Variants in NECAB2 observed in about 807,000 individuals in gnomAD.
The protein encoded by NECAB2 is N-terminal EF-hand calcium-binding protein 2.
NECAB2 carries 68 observed loss-of-function variants against 51.9 expected under a neutral mutation model. The observed-to-expected ratio is 1.31, with a 90% CI of 1.08 to 1.60. The LOEUF (loss-of-function observed/expected upper bound fraction) is 1.60, where lower values mean the gene tolerates loss of function less well. NECAB2 is among the 40% of genes most tolerant of loss of function. The probability of loss-of-function intolerance (pLI) is 0.00; values close to 1 mark genes in which losing one functional copy is unlikely to be tolerated. For synonymous variants in NECAB2, 329 were observed against 203.5 expected (o/e 1.62, Z -5.25); for missense variants, 854 against 490.3 (o/e 1.74, Z -7.00).
chr16:83,998,040 C>A (rs546903110), intron 9 of NECAB2, among the ~76,000 whole-genome samples, 165 bp from the exon 10 acceptor site: 39 of 152,198 alleles, frequency 2.6e-4, no homozygotes, highest in African/African-American at 7.2e-4. Flanking sequence ...CTAGTCCTTT[C>A]TTAGCCCATT....
At chr16:83,971,093 CAAA>C in intron 1 of NECAB2, among the ~76,000 whole-genome samples, 1 of 135,886 alleles carries the variant, frequency 7.4e-6, no homozygotes, top group African/African-American at 2.6e-5. Flanking sequence ...GACCCCATCT[CAAA>C]AAAAAAAAAA....
chr16:83,985,195 C>T (rs777792583), intron 5 of NECAB2, among the ~76,000 whole-genome samples: 3 of 151,162 alleles, frequency 2.0e-5, no homozygotes, highest in Non-Finnish European at 4.4e-5. Flanking sequence ...CGCCTGTAAT[C>T]CCAGCTACTT....
Position 83,990,619 on chromosome 16 carries a change from C to A in NECAB2, c.585C>A (p.Thr195=). ...ESAVEAIEEQ[T]SQLRQNHIKP... ...CGGTGGAGGCCATCGAGGAACAGAC[C>A]AGCCAGCTCCGGTGAGTCTCTGAGA... Residue 195 remains threonine (T), a synonymous_variant, in exon 6 of 13, where the codon ACC becomes ACA. Transcript: ENST00000305202. The A allele has an allele frequency of 1.9e-6, 3 of 1,614,044 alleles. No homozygotes were observed. The highest frequency in any genetic ancestry group is 1.7e-6 in the Non-Finnish European group (2 of 1,180,032).
chr16:83,968,889 C>T (rs1029719511), intron 1 of NECAB2, 40 bp downstream of exon 1: 2 of 1,081,374 alleles, frequency 1.8e-6, no homozygotes, highest in African/African-American at 1.7e-5. Context: ...GTGGCCTCCG[C>T]TGGGACCCGG....
chr16:83,994,216 T>C, intron 6 of NECAB2, 86 bp from the exon 7 acceptor site: 1 of 1,226,488 alleles, frequency 8.2e-7, no homozygotes, highest in Non-Finnish European at 1.2e-6. Flanking sequence ...CTGTCTTGCG[T>C]AATAAATGCC....
chr16:83,978,795 C>G (rs2084449209), intron 3 of NECAB2, among the ~76,000 whole-genome samples: 1 of 152,020 alleles, frequency 6.6e-6, no homozygotes, highest in African/African-American at 2.4e-5. Context: ...AGGAGAGACT[C>G]CTGGTTTTGC....
At chr16:84,001,966 G>A (rs1214887155) in intron 12 of NECAB2, 50 bp downstream of exon 12, 5 of 1,581,892 alleles carry the variant, frequency 3.2e-6, no homozygotes, top group East Asian at 4.6e-5. Flanking sequence ...TGGAGAGAAG[G>A]GCAAGAGCCT....
At chr16:83,996,608 CT>C (rs2084702943) in intron 8 of NECAB2, among the ~76,000 whole-genome samples, 1 of 150,500 alleles carries the variant, frequency 6.6e-6, no homozygotes, top group South Asian at 2.1e-4. Flanking sequence ...GGTAGACACA[CT>C]GGGTTCAGAC....
intron 5 of NECAB2, among the ~76,000 whole-genome samples, chr16:83,982,996 G>A (rs1448038858): frequency 1.3e-5 from 2 of 151,854 alleles, no homozygotes; most frequent in East Asian, 3.9e-4. Context: ...AGCCTCCCGA[G>A]TAGCTGGGAC....
At chr16:83,969,923 G>A (rs2084330470) in intron 1 of NECAB2, among the ~76,000 whole-genome samples, 2 of 152,290 alleles carry the variant, frequency 1.3e-5, no homozygotes, top group Middle Eastern at 3.4e-3. Context: ...ACCCTTGGCC[G>A]GGGTCTGGGC....
At chr16:83,966,613 C>G, upstream of NECAB2, among the ~76,000 whole-genome samples, 1 of 152,166 alleles carries the variant, frequency 6.6e-6, no homozygotes, top group East Asian at 1.9e-4. Flanking sequence ...GCAGCCTGTC[C>G]CAGGCCTCCC....
At chr16:83,979,753 G>C (rs1476857540) in intron 3 of NECAB2, among the ~76,000 whole-genome samples, 3 of 151,940 alleles carry the variant, frequency 2.0e-5, no homozygotes, top group Admixed American at 6.6e-5. Flanking sequence ...CGTGTGGGTG[G>C]GTGGGGGTGC....
intron 5 of NECAB2, among the ~76,000 whole-genome samples, chr16:83,985,187 C>A (rs2084537044): frequency 6.6e-6 from 1 of 150,604 alleles, no homozygotes; most frequent in Admixed American, 6.6e-5. Context: ...GTGGCAGGCG[C>A]CTGTAATCCC....
chr16:83,966,184 G>A (rs1167421440), upstream of NECAB2: 1 of 600,090 alleles, frequency 1.7e-6, no homozygotes, highest in Admixed American at 3.3e-5. Flanking sequence ...CAGTGTCTGA[G>A]GTGGTAACAG....
chr16:83,980,562 C>G (rs754221463), intron 3 of NECAB2, among the ~76,000 whole-genome samples: 1 of 152,102 alleles, frequency 6.6e-6, no homozygotes, highest in Non-Finnish European at 1.5e-5. Context: ...TGGCCCCCAG[C>G]TTGGCCCTCC....
intron 9 of NECAB2, among the ~76,000 whole-genome samples, chr16:83,997,628 C>T (rs547062173): frequency 1.9e-4 from 29 of 151,790 alleles, no homozygotes; most frequent in South Asian, 4.2e-4. Context: ...GCTGGGATTA[C>T]AGGTGTGTGC....
chr16:83,992,290 C>T (rs1218817353), intron 6 of NECAB2, among the ~76,000 whole-genome samples: 1 of 151,698 alleles, frequency 6.6e-6, no homozygotes, highest in Non-Finnish European at 1.5e-5. Context: ...GTGGTGGCTG[C>T]TGTGTTAGGG....
chr16:84,001,865 A>C lies in NECAB2; in HGVS notation c.1081A>C (p.Lys361Gln), dbSNP rs773464321. 5 of 1,614,138 alleles carry C rather than the reference A, an allele frequency of 3.1e-6. No individual in the cohort carries two copies. Among genetic ancestry groups the C allele is most frequent in the Non-Finnish European group, 4.2e-6 (5 of 1,179,990 alleles). Residue 361 changes from lysine (K) to glutamine (Q), a missense_variant, in exon 12 of 13, where the codon AAG becomes CAG. Physicochemically the swap from Lys to Gln is moderately conservative, Grantham distance 53. Coordinates refer to ENST00000305202, the MANE Select transcript of NECAB2 (RefSeq NM_019065.3). ...CCTGTGTAAGGCGTTCCGGCACGTC[A>C]AGGTGGACACACTGAGCCAGCCTGA... ...SPLCKAFRHV[K>Q]VDTLSQPEAL...
intron 10 of NECAB2, 42 bp from the exon 11 acceptor site, chr16:84,000,682 G>A (rs2084811741): frequency 6.3e-7 from 1 of 1,598,802 alleles, no homozygotes; most frequent in Non-Finnish European, 8.6e-7. Flanking sequence ...GGTGGCCTTG[G>A]TTGAGCTCCA....
Sources: allele counts gnomAD v4.1 joint callset (sites outside exome capture counted in the v4.1 genomes callset), GRCh38; gene constraint gnomAD v4.1.1; transcripts MANE v1.5; gene names NCBI Gene and HGNC (gene_info 2026-07-23, HGNC 2026-07-21).